Variants in KLHL18 observed in about 807,000 individuals in gnomAD.
KLHL18 encodes kelch like family member 18.
KLHL18 carries 38 observed loss-of-function variants against 58.5 expected under a neutral mutation model. That is an observed-to-expected ratio of 0.65 (90% CI 0.50 to 0.85). The LOEUF (loss-of-function observed/expected upper bound fraction) is 0.85. Among genes scored for constraint, KLHL18 ranks in the 40% least tolerant of loss-of-function variants. The pLI, the probability that KLHL18 is intolerant of heterozygous loss-of-function variation, is 0.00. For synonymous variants in KLHL18, 303 were observed against 301.9 expected, an observed-to-expected ratio of 1.00 and a Z score of -0.04; for missense variants, 624 against 778.4, an observed-to-expected ratio of 0.80 and a Z score of 2.36.
intron 1 of KLHL18, among the ~76,000 whole-genome samples, chr3:47,298,138 G>A (rs774988830): frequency 3.9e-5 from 6 of 152,054 alleles, no homozygotes; most frequent in Non-Finnish European, 8.8e-5. Context: ...CCAGCACTTT[G>A]GGAGGCTGAT....
intron 1 of KLHL18, among the ~76,000 whole-genome samples, chr3:47,290,372 G>C (rs949105859): frequency 1.3e-5 from 2 of 152,118 alleles, no homozygotes; most frequent in African/African-American, 4.8e-5. Flanking sequence ...TGGAAAACTT[G>C]TGCTTCTGAA....
chr3:47,342,210 G>A (rs982428658), intron 8 of KLHL18, among the ~76,000 whole-genome samples: 5 of 152,182 alleles, frequency 3.3e-5, no homozygotes, highest in Admixed American at 6.5e-5. Context: ...GGGTGGGGTC[G>A]GATGGGACTG....
chr3:47,338,924 A>G (rs1226577325), intron 7 of KLHL18: 1 of 152,254 alleles, frequency 6.6e-6, no homozygotes, highest in Admixed American at 6.5e-5. Context: ...ATTTGAAAAT[A>G]GTGAATTGGG....
chr3:47,297,933 C>A (rs1397611981), intron 1 of KLHL18, among the ~76,000 whole-genome samples: 1 of 152,074 alleles, frequency 6.6e-6, no homozygotes, highest in African/African-American at 2.4e-5. Context: ...AAGTCAGAGG[C>A]CCCTCAGAGG....
intron 1 of KLHL18, among the ~76,000 whole-genome samples, chr3:47,304,486 G>A (rs1703096469): frequency 6.6e-6 from 1 of 152,166 alleles, no homozygotes; most frequent in Non-Finnish European, 1.5e-5. Flanking sequence ...CTGGGCAACA[G>A]AGCAAGACAC....
chr3:47,323,737 C>T (rs1459151707), intron 3 of KLHL18, among the ~76,000 whole-genome samples: 1 of 152,188 alleles, frequency 6.6e-6, no homozygotes, highest in Non-Finnish European at 1.5e-5. Context: ...TGGTGCTTCA[C>T]ACACCCAGCC....
intron 3 of KLHL18, among the ~76,000 whole-genome samples, chr3:47,326,886 A>G (rs1576173144): frequency 1.3e-5 from 2 of 150,128 alleles, no homozygotes; most frequent in Admixed American, 1.3e-4. Flanking sequence ...GTGCCATTGC[A>G]CTCCAGCCTG....
chr3:47,326,875 C>T (rs1002313769), intron 3 of KLHL18, among the ~76,000 whole-genome samples: 13 of 150,952 alleles, frequency 8.6e-5, no homozygotes, highest in African/African-American at 1.7e-4. Context: ...GAGCCGAGAT[C>T]GTGCCATTGC....
At position 47,343,852 on chromosome 3, in the gene KLHL18, C is replaced by T. The variant is rs1463639482; in HGVS notation, c.1636C>T (p.Pro546Ser). ...CCTAAGCTCAGTGGAGATGTATGAC[C>T]CAGAGACAGACTGCTGGACATTCAT... ...SNLSSVEMYD[P>S]ETDCWTFMAP... The change falls in exon 10 of 10, where the codon CCA becomes TCA. Residue 546 changes from proline to serine, a missense_variant. Physicochemically the swap from Pro to Ser is moderately conservative, Grantham distance 74 (BLOSUM62 -1). Transcript: ENST00000232766. 1 of 1,614,164 alleles carries T rather than the reference C, an allele frequency of 6.2e-7. No individual in the cohort carries two copies. Among genetic ancestry groups the T allele is most frequent in the Admixed American group, 1.7e-5 (1 of 60,022 alleles).
At chr3:47,303,669 T>A (rs1703074825) in intron 1 of KLHL18, among the ~76,000 whole-genome samples, 1 of 152,176 alleles carries the variant, frequency 6.6e-6, no homozygotes, top group African/African-American at 2.4e-5. Flanking sequence ...GCAATTCTCC[T>A]GTCTTGGCCT....
chr3:47,283,768 C>T (rs564935363), intron 1 of KLHL18, among the ~76,000 whole-genome samples: 3 of 152,272 alleles, frequency 2.0e-5, no homozygotes, highest in African/African-American at 7.2e-5. Flanking sequence ...GCATTCTGGT[C>T]GCTAGAGCCA....
At chr3:47,287,740 C>T (rs937598060) in intron 1 of KLHL18, among the ~76,000 whole-genome samples, 1 of 152,088 alleles carries the variant, frequency 6.6e-6, no homozygotes, top group Non-Finnish European at 1.5e-5. Flanking sequence ...CTGCCTCGGC[C>T]TCCCAAAGTG....
At chr3:47,287,036 G>T (rs1030090382) in intron 1 of KLHL18, among the ~76,000 whole-genome samples, 1 of 152,182 alleles carries the variant, frequency 6.6e-6, no homozygotes, top group Admixed American at 6.5e-5. Flanking sequence ...AGAGGAAACT[G>T]GTACCTCCAG....
At chr3:47,299,129 C>A (rs1404032626) in intron 1 of KLHL18, among the ~76,000 whole-genome samples, 1 of 152,206 alleles carries the variant, frequency 6.6e-6, no homozygotes, top group South Asian at 2.1e-4. Flanking sequence ...GTAGCGATAT[C>A]ATTTTGCATT....
chr3:47,309,819 G>A (rs1157552725), intron 1 of KLHL18, among the ~76,000 whole-genome samples: 1 of 152,110 alleles, frequency 6.6e-6, no homozygotes, highest in African/African-American at 2.4e-5. Context: ...CCAACACAGC[G>A]AAACCCCGTC....
intron 2 of KLHL18, among the ~76,000 whole-genome samples, chr3:47,320,319 T>C (rs189198600): frequency 6.6e-6 from 1 of 152,292 alleles, no homozygotes; most frequent in East Asian, 1.9e-4. Context: ...ATTTTAAATT[T>C]TGTTTAATTT....
chr3:47,311,903 C>T (rs1703310998), intron 1 of KLHL18, among the ~76,000 whole-genome samples: 2 of 152,170 alleles, frequency 1.3e-5, no homozygotes, highest in Admixed American at 1.3e-4. Flanking sequence ...CATTTTCAGT[C>T]TTCAGAGTGT....
At chr3:47,288,621 G>C (rs1050114699) in intron 1 of KLHL18, among the ~76,000 whole-genome samples, 3 of 152,014 alleles carry the variant, frequency 2.0e-5, no homozygotes, top group African/African-American at 7.3e-5. Context: ...ATTTCCTTTT[G>C]GAAAATATTT....
intron 7 of KLHL18, chr3:47,338,814 C>G (rs1011485021): frequency 6.6e-6 from 1 of 152,082 alleles, no homozygotes; most frequent in Non-Finnish European, 1.5e-5. Flanking sequence ...CAGAGTGAGA[C>G]TCCGTCTCAA....
Sources: allele counts gnomAD v4.1 joint callset (sites outside exome capture counted in the v4.1 genomes callset), GRCh38; gene constraint gnomAD v4.1.1; transcripts MANE v1.5; gene names NCBI Gene and HGNC (gene_info 2026-07-23, HGNC 2026-07-21).